Variants in SEL1L2 observed in about 807,000 individuals in gnomAD.
SEL1L2 encodes the protein protein sel-1 homolog 2.
In SEL1L2, 89 loss-of-function variants were observed where a neutral mutation model predicts 98.8. The ratio of observed to expected loss-of-function variants is 0.90; its 90% CI spans 0.76 to 1.07. The LOEUF is 1.07. SEL1L2 is among the 50% of genes least tolerant of loss of function. SEL1L2 has a pLI of 0.00. For missense variants in SEL1L2, 788 were observed against 812.0 expected, an observed-to-expected ratio of 0.97 and a Z score of 0.36; for synonymous variants, 262 against 278.5, an observed-to-expected ratio of 0.94 and a Z score of 0.59.
intron 1 of SEL1L2, among the ~76,000 whole-genome samples, chr20:13,988,841 C>T (rs1358522123): frequency 3.3e-5 from 5 of 151,946 alleles, no homozygotes; most frequent in African/African-American, 9.7e-5. Context: ...GATAAAACCC[C>T]GTCTCTACTA....
chr20:13,914,869 C>T (rs1778480831), intron 4 of SEL1L2, among the ~76,000 whole-genome samples: 1 of 152,178 alleles, frequency 6.6e-6, no homozygotes, highest in African/African-American at 2.4e-5. Context: ...CCTTACACTG[C>T]ACTCTTCGAG....
chr20:13,969,694 T>C (rs2051198500), intron 1 of SEL1L2, among the ~76,000 whole-genome samples: 1 of 152,304 alleles, frequency 6.6e-6, no homozygotes, highest in Non-Finnish European at 1.5e-5. Context: ...ATTTGTGCAC[T>C]TCTAATTTGG....
chr20:13,917,668 T>C (rs1257200713), intron 4 of SEL1L2, among the ~76,000 whole-genome samples: 2 of 152,104 alleles, frequency 1.3e-5, no homozygotes, highest in African/African-American at 4.8e-5. Flanking sequence ...CCCTGTCTGG[T>C]GCTAGCTACC....
rs1255331940 is a variant in SEL1L2, at chr20:13,990,478, TTTAA to T, written c.53_56del (p.Ile18LysfsTer23). On this transcript the variant is annotated frameshift_variant and splice_region_variant, in exon 1 of 20. Transcript: ENST00000284951. LOFTEE classifies it high-confidence loss of function. ...AACTCTAAGGACAAAAAAACTTACT[TTTAA>T]TTGTGACCCCAAGAATTATCAATAT... The T allele has an allele frequency of 6.2e-7, 1 of 1,610,166 alleles. No individual in the cohort carries two copies. The highest frequency in any genetic ancestry group is 1.7e-5 in the Admixed American group (1 of 59,870).
chr20:13,866,797 C>T lies in SEL1L2; in HGVS notation c.1309G>A (p.Ala437Thr). 6.2e-7 allele frequency: 1 copy of T among 1,612,784 alleles called. No homozygotes were observed. Among genetic ancestry groups the T allele is most frequent in the Non-Finnish European group, 8.5e-7 (1 of 1,179,470 alleles). ...YKLAFKYFYL[A>T]SQSGQPLAIY... ...GCAAGGGGCTGCCCACTCTGAGATG[C>T]CAGGTAAAAATATTTGAAGGCAAGT... The change falls in exon 15 of 20, where the codon GCA becomes ACA. Residue 437 changes from alanine to threonine, a missense_variant. Physicochemically the swap from Ala to Thr is moderately conservative, Grantham distance 58 (BLOSUM62 0). Transcript: ENST00000284951.
chr20:13,942,143 G>A (rs1410635784), intron 2 of SEL1L2, among the ~76,000 whole-genome samples: 4 of 152,198 alleles, frequency 2.6e-5, no homozygotes, highest in African/African-American at 9.6e-5. Flanking sequence ...AGTGGTCTTT[G>A]TTTAGGTAAA....
chr20:13,913,184 A>T (rs188361963), intron 5 of SEL1L2, among the ~76,000 whole-genome samples: 3 of 152,332 alleles, frequency 2.0e-5, no homozygotes, highest in African/African-American at 7.2e-5. Flanking sequence ...TCAGAAAAAA[A>T]TGGTTTTCAT....
intron 4 of SEL1L2, chr20:13,915,151 A>G (rs77354832): frequency 2.3e-6 from 3 of 1,289,626 alleles, no homozygotes; most frequent in Non-Finnish European, 3.0e-6. Context: ...TGCTGAGGCT[A>G]AAATAAGCTG....
chr20:13,892,667 G>A (rs1450182186), intron 5 of SEL1L2, among the ~76,000 whole-genome samples: 1 of 152,142 alleles, frequency 6.6e-6, no homozygotes, highest in African/African-American at 2.4e-5. Context: ...AACAGCAATA[G>A]TGATTCCTTC....
chr20:13,856,293 T>C (rs1391800601), intron 18 of SEL1L2, among the ~76,000 whole-genome samples: 1 of 151,936 alleles, frequency 6.6e-6, no homozygotes, highest in Non-Finnish European at 1.5e-5. Flanking sequence ...CCTTGCCCGG[T>C]TAATTTTTGC....
At chr20:13,896,889 C>A (rs1458288861) in intron 5 of SEL1L2, among the ~76,000 whole-genome samples, 1 of 152,016 alleles carries the variant, frequency 6.6e-6, no homozygotes, top group Non-Finnish European at 1.5e-5. Flanking sequence ...TTATTTTTTG[C>A]AGAAATAGAA....
At chr20:13,895,872 C>T (rs976214062) in intron 5 of SEL1L2, among the ~76,000 whole-genome samples, 4 of 152,162 alleles carry the variant, frequency 2.6e-5, no homozygotes, top group African/African-American at 9.7e-5. Flanking sequence ...CACACACAAA[C>T]TGTTAAAACT....
At chr20:13,924,743 G>T (rs532319071) in intron 3 of SEL1L2, among the ~76,000 whole-genome samples, 1 of 152,104 alleles carries the variant, frequency 6.6e-6, no homozygotes, top group African/African-American at 2.4e-5. Context: ...CTTTTACATG[G>T]CTGCTTATTC....
intron 2 of SEL1L2, among the ~76,000 whole-genome samples, chr20:13,940,227 G>A (rs1385174021): frequency 1.3e-5 from 2 of 152,186 alleles, no homozygotes; most frequent in Non-Finnish European, 2.9e-5. Context: ...GGTGAAGAGG[G>A]GTTGGTGCAT....
At position 13,891,068 on chromosome 20, in the gene SEL1L2, G is replaced by GA. The variant is rs1422196169; in HGVS notation, c.550-2557dup. Among the ~76,000 whole-genome samples, 3 of 152,156 alleles carry GA rather than the reference G, an allele frequency of 2.0e-5. No homozygotes were observed. In the East Asian group the frequency reaches 5.8e-4, roughly 29 times the overall value. On this transcript the variant is annotated intron_variant, in intron 5 of 19. Coordinates refer to ENST00000284951, the MANE Select transcript of SEL1L2 (RefSeq NM_025229.2). ...CATTATGAGAGTCTCAGAAGAAGAAGAGAGAGAAAGGGACAGAGAGGATAT... is the reference window on the plus strand; with the variant it reads ...CATTATGAGAGTCTCAGAAGAAGAAGAAGAGAGAAAGGGACAGAGAGGATAT...
intron 2 of SEL1L2, among the ~76,000 whole-genome samples, chr20:13,954,279 C>T (rs1482892133): frequency 6.6e-6 from 1 of 152,112 alleles, no homozygotes; most frequent in Non-Finnish European, 1.5e-5. Flanking sequence ...AGAGAGGGTG[C>T]TTTCAGCCAA....
chr20:13,859,282 G>A lies in SEL1L2; in HGVS notation c.1798C>T (p.His600Tyr). ...AMFNLAYMYE[H>Y]GLGITKDIHL... ...ATTACCTTTGTGATGCCTAAGCCGTGTTCATACATATAAGCCAGATTGAAC... is the reference window on the plus strand; with the variant it reads ...ATTACCTTTGTGATGCCTAAGCCGTATTCATACATATAAGCCAGATTGAAC... Residue 600 changes from histidine (H) to tyrosine (Y), a missense_variant, in exon 18 of 20, where the codon CAC (histidine) becomes TAC (tyrosine). His to Tyr is a moderately conservative substitution (Grantham distance 83). Transcript: ENST00000284951. The A allele has an allele frequency of 6.2e-7, 1 of 1,613,808 alleles. No individual in the cohort carries two copies. The highest frequency in any genetic ancestry group is 1.3e-5 in the African/African-American group (1 of 75,058).
At chr20:13,991,538 T>C (rs2052533450), upstream of SEL1L2, among the ~76,000 whole-genome samples, 1 of 152,220 alleles carries the variant, frequency 6.6e-6, no homozygotes, top group South Asian at 2.1e-4. Flanking sequence ...TCTAAGTGGC[T>C]GCCAGCATTC....
chr20:13,895,691 A>T (rs2047392871), intron 5 of SEL1L2, among the ~76,000 whole-genome samples: 1 of 152,272 alleles, frequency 6.6e-6, no homozygotes, highest in Non-Finnish European at 1.5e-5. Flanking sequence ...GGATCAAGGC[A>T]AAGATGCCCA....
Sources: allele counts gnomAD v4.1 joint callset (sites outside exome capture counted in the v4.1 genomes callset), GRCh38; gene constraint gnomAD v4.1.1; transcripts MANE v1.5; gene names NCBI Gene and HGNC (gene_info 2026-07-23, HGNC 2026-07-21).